The following KCNQ5 variants were observed in gnomAD, a reference collection of about 807,000 sequenced individuals.
KCNQ5 encodes potassium voltage-gated channel subfamily Q member 5.
A neutral mutation model predicts 98.2 loss-of-function variants in KCNQ5; 30 were observed. The ratio of observed to expected loss-of-function variants is 0.31; its 90% confidence interval spans 0.23 to 0.41. The LOEUF (loss-of-function observed/expected upper bound fraction) is 0.41, where lower values mean the gene tolerates loss of function less well. Ranked by LOEUF, KCNQ5 falls within the 10% of genes least tolerant of loss-of-function variation. The pLI, the probability that KCNQ5 is intolerant of heterozygous loss-of-function variation, is 1.00. For missense variants in KCNQ5, 835 were observed against 1,182.5 expected, an observed-to-expected ratio of 0.71 and a Z score of 4.31; for synonymous variants, 458 against 449.4, an observed-to-expected ratio of 1.02 and a Z score of -0.24.
intron 1 of KCNQ5, among the ~76,000 whole-genome samples, chr6:72,664,260 T>C (rs183003295): frequency 6.6e-6 from 1 of 152,310 alleles, no homozygotes; most frequent in Admixed American, 6.5e-5. Context: ...CAGTTAAATT[T>C]ATTCCTGAAA....
intron 9 of KCNQ5, among the ~76,000 whole-genome samples, chr6:73,130,474 A>G (rs1283421651): frequency 6.6e-6 from 1 of 152,002 alleles, no homozygotes; most frequent in Non-Finnish European, 1.5e-5. Flanking sequence ...TGACCACAGC[A>G]ATTTTTTTTT....
At chr6:73,027,272 A>G (rs1770931934) in intron 2 of KCNQ5, among the ~76,000 whole-genome samples, 1 of 152,106 alleles carries the variant, frequency 6.6e-6, no homozygotes, top group South Asian at 2.1e-4. Context: ...TCAGCAGTAG[A>G]CCCTTCCTTC....
At chr6:72,780,879 T>G (rs1405413284) in intron 1 of KCNQ5, among the ~76,000 whole-genome samples, 1 of 152,172 alleles carries the variant, frequency 6.6e-6, no homozygotes, top group East Asian at 1.9e-4. Context: ...TTTCTTAGAT[T>G]CAGCAATTTA....
At chr6:72,651,284 T>C (rs543577382) in intron 1 of KCNQ5, among the ~76,000 whole-genome samples, 2 of 152,050 alleles carry the variant, frequency 1.3e-5, no homozygotes, top group African/African-American at 4.8e-5. Context: ...TGAAGACTCT[T>C]TTAGTTGAAC....
chr6:73,006,667 T>G (rs1392360145), intron 2 of KCNQ5, among the ~76,000 whole-genome samples: 1 of 152,030 alleles, frequency 6.6e-6, no homozygotes, highest in Non-Finnish European at 1.5e-5. Flanking sequence ...ATGAATAAAA[T>G]AAAATAAAAT....
chr6:72,637,121 A>G (rs899349129), intron 1 of KCNQ5, among the ~76,000 whole-genome samples: 1 of 152,228 alleles, frequency 6.6e-6, no homozygotes, highest in South Asian at 2.1e-4. Context: ...AAACATTCTG[A>G]GTATGTTTAA....
chr6:72,886,396 T>C (rs928570113), intron 1 of KCNQ5, among the ~76,000 whole-genome samples: 1 of 150,700 alleles, frequency 6.6e-6, no homozygotes, highest in African/African-American at 2.4e-5. Flanking sequence ...AATATAGACA[T>C]GAAGAAATTA....
intron 1 of KCNQ5, among the ~76,000 whole-genome samples, chr6:72,866,860 T>C (rs1778007890): frequency 6.6e-6 from 1 of 152,256 alleles, no homozygotes; most frequent in Admixed American, 6.5e-5. Flanking sequence ...GTAATTAGAA[T>C]ATCTCCTTTA....
At chr6:73,055,880 C>T (rs1023098545) in intron 3 of KCNQ5, 1 of 610,468 alleles carries the variant, frequency 1.6e-6, no homozygotes, top group Non-Finnish European at 3.1e-6. Flanking sequence ...AGGCACCCTC[C>T]CTGCCCATTG....
chr6:72,645,943 G>C (rs773693606), intron 1 of KCNQ5, among the ~76,000 whole-genome samples: 6 of 152,080 alleles, frequency 3.9e-5, no homozygotes, highest in Non-Finnish European at 8.8e-5. Context: ...AATGAATGTA[G>C]AGATTTCCAC....
chr6:72,838,758 G>A (rs1776632416), intron 1 of KCNQ5, among the ~76,000 whole-genome samples: 1 of 151,382 alleles, frequency 6.6e-6, no homozygotes, highest in Non-Finnish European at 1.5e-5. Context: ...AGACCATCCT[G>A]GCTAACACGG....
chr6:72,738,083 A>T (rs1475402080), intron 1 of KCNQ5, among the ~76,000 whole-genome samples: 1 of 152,160 alleles, frequency 6.6e-6, no homozygotes, highest in Non-Finnish European at 1.5e-5. Flanking sequence ...TGAACCCACG[A>T]GGTGGAGCCT....
At chr6:72,893,222 C>A (rs1422197138) in intron 1 of KCNQ5, among the ~76,000 whole-genome samples, 1 of 152,050 alleles carries the variant, frequency 6.6e-6, no homozygotes, top group African/African-American at 2.4e-5. Context: ...GAGGAGCAGC[C>A]ATAGATACAC....
In KCNQ5 at chr6:73,083,575, T is replaced by C. The variant is rs982907185; in HGVS notation, c.918+5688T>C. On this transcript the variant is annotated intron_variant, in intron 5 of 13. Transcript: ENST00000370398. ...CAAAAAAGATAAGGCAGAACCCCAA[T>C]TGCAGAACACATTCTTCATCAAGAA... 3.3e-5 allele frequency among the ~76,000 whole-genome samples: 5 copies of C among 152,312 alleles called. No individual in the cohort carries two copies. In the South Asian group the frequency reaches 6.2e-4, roughly 19 times the overall value.
intron 5 of KCNQ5, among the ~76,000 whole-genome samples, chr6:73,097,103 A>G (rs1325389586): frequency 2.1e-5 from 3 of 144,924 alleles, no homozygotes; most frequent in Non-Finnish European, 4.6e-5. Flanking sequence ...TGCACAATAC[A>G]CATTACTAAC....
At chr6:73,074,470 T>A (rs1582304669) in intron 3 of KCNQ5, among the ~76,000 whole-genome samples, 2 of 152,220 alleles carry the variant, frequency 1.3e-5, no homozygotes, top group African/African-American at 2.4e-5. Context: ...TGGTTACCTT[T>A]GCATATTTTG....
At chr6:72,712,448 A>G in intron 1 of KCNQ5, among the ~76,000 whole-genome samples, 1 of 152,224 alleles carries the variant, frequency 6.6e-6, no homozygotes, top group East Asian at 1.9e-4. Flanking sequence ...CAGCTTTAAA[A>G]TACTTAAATC....
At chr6:72,940,680 T>C (rs1382488173) in intron 1 of KCNQ5, among the ~76,000 whole-genome samples, 1 of 152,232 alleles carries the variant, frequency 6.6e-6, no homozygotes, top group East Asian at 1.9e-4. Context: ...ATAATCTGCT[T>C]GCTCTACAAA....
chr6:72,877,658 T>C (rs1028298050), intron 1 of KCNQ5, among the ~76,000 whole-genome samples: 16 of 152,226 alleles, frequency 1.1e-4, no homozygotes, highest in Non-Finnish European at 2.9e-5. Flanking sequence ...TCCACAATAG[T>C]TGAACTAATT....
Sources: allele counts gnomAD v4.1 joint callset (sites outside exome capture counted in the v4.1 genomes callset), GRCh38; gene constraint gnomAD v4.1.1; transcripts MANE v1.5; gene names NCBI Gene and HGNC (gene_info 2026-07-23, HGNC 2026-07-21).